Variants in ZFAT observed in about 807,000 individuals in gnomAD.
ZFAT encodes the protein zinc finger protein ZFAT.
In ZFAT, 64 loss-of-function variants were observed where a neutral mutation model predicts 117.7. The observed-to-expected ratio is 0.54, with a 90% CI of 0.44 to 0.67. ZFAT has a LOEUF of 0.67. ZFAT is among the 30% of genes least tolerant of loss of function. ZFAT has a pLI of 0.00. For synonymous variants in ZFAT, 679 were observed against 615.0 expected, an observed-to-expected ratio of 1.10 and a Z score of -1.54; for missense variants, 1,433 against 1,584.5, an observed-to-expected ratio of 0.90 and a Z score of 1.62.
At chr8:134,545,803 G>C (rs1822652292) in intron 11 of ZFAT, among the ~76,000 whole-genome samples, 1 of 152,170 alleles carries the variant, frequency 6.6e-6, no homozygotes, top group Non-Finnish European at 1.5e-5. Context: ...CTATTTCTGG[G>C]CAGCAGCTAT....
At chr8:134,640,935 C>G (rs983609605) in intron 2 of ZFAT, among the ~76,000 whole-genome samples, 1 of 151,838 alleles carries the variant, frequency 6.6e-6, no homozygotes, top group Admixed American at 6.6e-5. Flanking sequence ...AGCTTTAATT[C>G]CTCTTCCTCC....
At chr8:134,557,051 G>A (rs1334256635) in intron 11 of ZFAT, among the ~76,000 whole-genome samples, 2 of 151,966 alleles carry the variant, frequency 1.3e-5, no homozygotes, top group East Asian at 3.8e-4. Flanking sequence ...TTCATAACAT[G>A]AACATGTGTG....
chr8:134,689,079 G>A (rs1470298212), intron 1 of ZFAT, among the ~76,000 whole-genome samples: 2 of 152,090 alleles, frequency 1.3e-5, no homozygotes, highest in African/African-American at 2.4e-5. Context: ...ACTGAAGACT[G>A]GCCAGAACTG....
chr8:134,755,817 C>CAA, the ZFAT span, among the ~76,000 whole-genome samples: 587 of 89,838 alleles, frequency 6.5e-3, 7 homozygotes, highest in African/African-American at 0.012. Flanking sequence ...GACTCCATCT[C>CAA]AAAAAAAAAA....
chr8:134,649,962 A>C (rs1052737727), intron 2 of ZFAT, among the ~76,000 whole-genome samples: 1 of 152,014 alleles, frequency 6.6e-6, no homozygotes, highest in Admixed American at 6.6e-5. Flanking sequence ...ATGGGTTTAT[A>C]ATCGTCTGGC....
At chr8:134,724,532 T>G in the ZFAT span, among the ~76,000 whole-genome samples, 20,258 of 151,904 alleles carry the variant, frequency 0.13, 2,644 homozygotes, top group African/African-American at 0.34. Context: ...AATCACTAAA[T>G]AGGGAAAGAT....
intron 1 of ZFAT, among the ~76,000 whole-genome samples, chr8:134,695,186 C>T (rs1833765093): frequency 6.6e-6 from 1 of 152,174 alleles, no homozygotes; most frequent in Non-Finnish European, 1.5e-5. Context: ...AAGGGGGTTG[C>T]GTCCACATCC....
chr8:134,712,846 T>A lies in ZFAT; in HGVS notation c.18A>T (p.Ala6=). 1 of 1,020,020 alleles carries A rather than the reference T, an allele frequency of 9.8e-7. No homozygotes were observed. The highest frequency in any genetic ancestry group is 1.7e-5 in the South Asian group (1 of 59,038). The allele number at this position is 1,020,020 out of a possible 1,614,324, so 63.2% of individuals were successfully genotyped here. Reference sequence around the variant, plus strand: ...ACCCCAACCCCCAGCCCGGCTCACCTGCCGCCCGCGTCTCCATGGCAACGC... The same window carrying A: ...ACCCCAACCCCCAGCCCGGCTCACCAGCCGCCCGCGTCTCCATGGCAACGC... METRA[A]ENTAIFMCKC... Residue 6 remains alanine (A), a splice_region_variant and synonymous_variant, in exon 1 of 16, where the codon GCA becomes GCT. Transcript: ENST00000377838.
chr8:134,683,442 G>A (rs1398681967), intron 1 of ZFAT, among the ~76,000 whole-genome samples: 2 of 152,202 alleles, frequency 1.3e-5, no homozygotes, highest in Non-Finnish European at 2.9e-5. Context: ...GGCCACAGAA[G>A]CACGTGTGGA....
the ZFAT span, among the ~76,000 whole-genome samples, chr8:134,786,509 A>G: frequency 6.6e-6 from 1 of 152,152 alleles, no homozygotes. Context: ...CCCTGCATTC[A>G]CTGAGATAGT....
intron 10 of ZFAT, chr8:134,565,720 C>T (rs1023431599): frequency 6.5e-6 from 3 of 464,960 alleles, no homozygotes; most frequent in African/African-American, 2.0e-5. Flanking sequence ...TGTCCAGCTG[C>T]CCAGAGAGAA....
the ZFAT span, among the ~76,000 whole-genome samples, chr8:134,772,941 A>T: frequency 6.6e-6 from 1 of 152,020 alleles, no homozygotes; most frequent in Non-Finnish European, 1.5e-5. Flanking sequence ...CAACAAAAAA[A>T]ACTAGCCTGG....
chr8:134,617,841 T>C (rs141949993), intron 3 of ZFAT, among the ~76,000 whole-genome samples: 83 of 152,316 alleles, frequency 5.4e-4, no homozygotes, highest in African/African-American at 1.9e-3. Flanking sequence ...CTGACATAGT[T>C]TGGCTGTGTC....
rs964398045 is a variant in ZFAT, at chr8:134,478,302, G to C, written c.*180C>G. 2 of 789,030 alleles carry C rather than the reference G, an allele frequency of 2.5e-6. No individual in the cohort carries two copies. The highest frequency in any genetic ancestry group is 5.7e-5 in the Admixed American group (2 of 34,898). The allele number at this position is 789,030 out of a possible 1,614,324, so 48.9% of individuals were successfully genotyped here. On this transcript the variant is annotated 3_prime_UTR_variant, in exon 16 of 16. Coordinates refer to ENST00000377838, the MANE Select transcript of ZFAT (RefSeq NM_020863.4). The surrounding 1 kb of genome is among the most constrained non-coding windows in gnomAD (Gnocchi z 5.2). The stretch of plus-strand genomic sequence containing the variant: ...GGGGTGAGGGTCCTGTGGTATTGCT[G>C]GTGATGCTGACTGCCTTGCCCACCC...
intron 15 of ZFAT, among the ~76,000 whole-genome samples, chr8:134,505,166 A>T (rs1485039118): frequency 6.6e-6 from 1 of 152,184 alleles, no homozygotes; most frequent in Non-Finnish European, 1.5e-5. Context: ...ATGTATATGG[A>T]TTGGCTATCT....
chr8:134,497,093 T>A (rs1402109972), intron 15 of ZFAT, among the ~76,000 whole-genome samples: 1 of 152,218 alleles, frequency 6.6e-6, no homozygotes. Context: ...GTAGGTCTTC[T>A]TGAAACATCC....
chr8:134,582,651 T>C (rs1327136698), intron 10 of ZFAT, among the ~76,000 whole-genome samples: 1 of 152,218 alleles, frequency 6.6e-6, no homozygotes, highest in African/African-American at 2.4e-5. Context: ...GCTCTGGCTC[T>C]TTTTCAGCCT....
At chr8:134,826,044 A>G in the ZFAT span, among the ~76,000 whole-genome samples, 2 of 151,926 alleles carry the variant, frequency 1.3e-5, no homozygotes, top group Admixed American at 6.6e-5. Flanking sequence ...AAGAAAAGAA[A>G]TGGTCCTTAA....
intron 1 of ZFAT, among the ~76,000 whole-genome samples, chr8:134,705,394 G>C (rs1218714056): frequency 1.1e-5 from 1 of 93,458 alleles, no homozygotes; most frequent in African/African-American, 4.5e-5. Context: ...TTTTTTTGTA[G>C]AGCTGGGATC....
Sources: allele counts gnomAD v4.1 joint callset (sites outside exome capture counted in the v4.1 genomes callset), GRCh38; gene constraint gnomAD v4.1.1; non-coding constraint Gnocchi (gnomAD v3.1); transcripts MANE v1.5; gene names NCBI Gene and HGNC (gene_info 2026-07-23, HGNC 2026-07-21).